The following THSD7A variants were observed in gnomAD, a reference collection of about 807,000 sequenced individuals.
THSD7A encodes thrombospondin type-1 domain-containing protein 7A.
In THSD7A, 96 loss-of-function variants were observed where a neutral mutation model predicts 231.3. The observed-to-expected ratio is 0.41, with a 90% CI of 0.35 to 0.49. The LOEUF is 0.49. Ranked by LOEUF, THSD7A falls within the 20% of genes least tolerant of loss-of-function variation. The pLI is 0.05. For missense variants in THSD7A, 2,290 were observed against 2,070.2 expected (o/e 1.11, Z -2.06); for synonymous variants, 940 against 743.3 (o/e 1.26, Z -4.30).
intron 1 of THSD7A, among the ~76,000 whole-genome samples, chr7:11,776,724 A>T (rs1023848475): frequency 6.6e-6 from 1 of 152,242 alleles, no homozygotes; most frequent in African/African-American, 2.4e-5. Flanking sequence ...CTGATAAAAC[A>T]TGGAAGTATT....
chr7:11,748,248 G>A (rs1294629122), intron 1 of THSD7A, among the ~76,000 whole-genome samples: 1 of 151,868 alleles, frequency 6.6e-6, no homozygotes, highest in Non-Finnish European at 1.5e-5. Context: ...TTACTGACAT[G>A]ATTAAATTTG....
intron 6 of THSD7A, among the ~76,000 whole-genome samples, chr7:11,484,913 C>T (rs1367073621): frequency 8.6e-5 from 3 of 34,822 alleles, no homozygotes; most frequent in East Asian, 1.1e-3. Context: ...TTTGTGGAGA[C>T]GGAGTCTCAC....
intron 2 of THSD7A, among the ~76,000 whole-genome samples, chr7:11,596,031 A>G (rs1226012481): frequency 6.6e-6 from 1 of 152,226 alleles, no homozygotes; most frequent in Admixed American, 6.5e-5. Flanking sequence ...CAAATGGACA[A>G]AAGACATTTG....
At chr7:11,514,285 G>A (rs1318219693) in intron 6 of THSD7A, among the ~76,000 whole-genome samples, 1 of 152,100 alleles carries the variant, frequency 6.6e-6, no homozygotes, top group East Asian at 1.9e-4. Flanking sequence ...CTTCTACAAT[G>A]TAAGGTCCAT....
Position 11,683,545 on chromosome 7 carries a change from C to T in THSD7A, c.191-46584G>A, listed in dbSNP as rs111701592. Reference sequence around the variant, plus strand: ...ATCAGAAATGACAAAAATGACATTACAACCAATCCCAAAGAAACAAAAAAG... The same window carrying T: ...ATCAGAAATGACAAAAATGACATTATAACCAATCCCAAAGAAACAAAAAAG... On this transcript the variant is annotated intron_variant, in intron 1 of 27. Transcript: ENST00000423059. 8.7e-3 allele frequency among the ~76,000 whole-genome samples: 1,323 copies of T among 151,922 alleles called. 12 individuals carry two copies. The highest frequency in any genetic ancestry group is 0.011 in the Non-Finnish European group (750 of 67,896).
At chr7:11,519,704 A>T (rs1239351070) in intron 6 of THSD7A, among the ~76,000 whole-genome samples, 2 of 152,164 alleles carry the variant, frequency 1.3e-5, no homozygotes, top group African/African-American at 4.8e-5. Flanking sequence ...ATATCGTTCA[A>T]ACATTCGATT....
At chr7:11,577,660 T>C (rs1212065504) in intron 4 of THSD7A, among the ~76,000 whole-genome samples, 1 of 151,044 alleles carries the variant, frequency 6.6e-6, no homozygotes, top group African/African-American at 2.4e-5. Flanking sequence ...ATAATTATTA[T>C]TTTAACAACA....
intron 1 of THSD7A, among the ~76,000 whole-genome samples, chr7:11,769,755 T>C (rs1159806707): frequency 1.3e-5 from 2 of 152,166 alleles, no homozygotes; most frequent in Admixed American, 1.3e-4. Flanking sequence ...ACGTTTGCAT[T>C]TTCAGTTTTA....
chr7:11,544,697 G>T (rs912980255), intron 4 of THSD7A, among the ~76,000 whole-genome samples: 10 of 152,142 alleles, frequency 6.6e-5, no homozygotes, highest in African/African-American at 2.2e-4. Flanking sequence ...TAAAGCCTAT[G>T]ACATTGATTC....
At chr7:11,772,837 C>A (rs1783277785) in intron 1 of THSD7A, among the ~76,000 whole-genome samples, 1 of 152,098 alleles carries the variant, frequency 6.6e-6, no homozygotes, top group African/African-American at 2.4e-5. Context: ...TGTACCAAAC[C>A]TGTACATGCA....
At chr7:11,786,776 A>G (rs1008275149) in intron 1 of THSD7A, among the ~76,000 whole-genome samples, 14 of 149,122 alleles carry the variant, frequency 9.4e-5, no homozygotes, top group East Asian at 2.0e-4. Flanking sequence ...AAAAAAAAAA[A>G]AAAAGAAAAA....
At chr7:11,435,583 T>G (rs1409044047) in intron 13 of THSD7A, among the ~76,000 whole-genome samples, 1 of 152,080 alleles carries the variant, frequency 6.6e-6, no homozygotes, top group Non-Finnish European at 1.5e-5. Context: ...TGTTTGGAAA[T>G]GCACATCAGT....
intron 1 of THSD7A, among the ~76,000 whole-genome samples, chr7:11,718,952 AG>A (rs1459108333): frequency 3.3e-5 from 5 of 151,636 alleles, no homozygotes; most frequent in African/African-American, 1.2e-4. Context: ...AATAAAAAAA[AG>A]CATCAGACAG....
At chr7:11,489,376 TC>T (rs2128307083) in intron 6 of THSD7A, among the ~76,000 whole-genome samples, 1 of 152,246 alleles carries the variant, frequency 6.6e-6, no homozygotes, top group East Asian at 1.9e-4. Flanking sequence ...ACCTCTTTTT[TC>T]TTAAAGGACT....
In THSD7A at chr7:11,831,013, C is replaced by T. The variant is rs185819067; in HGVS notation, c.190+744G>A. 1.4e-3 allele frequency among the ~76,000 whole-genome samples: 212 copies of T among 152,304 alleles called. 2 individuals carry two copies. Among genetic ancestry groups the T allele is most frequent in the Non-Finnish European group, 2.6e-3 (175 of 68,038 alleles). ...CAGAAAAGGGGTTGGTAATTCCTCA[C>T]TCCGTATTGTTTTCCTGCCTGTCAC... On this transcript the variant is annotated intron_variant, in intron 1 of 27. Coordinates refer to ENST00000423059, the MANE Select transcript of THSD7A (RefSeq NM_015204.3). The surrounding 1 kb of genome is among the most constrained non-coding windows in gnomAD (Gnocchi z 5.0).
intron 1 of THSD7A, among the ~76,000 whole-genome samples, chr7:11,727,798 G>T (rs138167624): frequency 6.6e-6 from 1 of 152,000 alleles, no homozygotes; most frequent in East Asian, 2.0e-4. Context: ...TTTCTCTGAG[G>T]ATACACCCAT....
chr7:11,550,370 T>C lies in THSD7A; in HGVS notation c.1454-7253A>G, dbSNP rs549042022. 5.9e-5 allele frequency among the ~76,000 whole-genome samples: 9 copies of C among 152,172 alleles called. No homozygotes were observed. The East Asian group carries it at 1.7e-3, about 29-fold the overall frequency. ...ATAAATGGAAAAACATTCTATGCTC[T>C]TGAATAGTGACATGGTTTTTTTCTG... On this transcript the variant is annotated intron_variant, in intron 4 of 27. Transcript: ENST00000423059.
intron 11 of THSD7A, among the ~76,000 whole-genome samples, chr7:11,455,516 C>A (rs113638024): frequency 6.6e-6 from 1 of 151,846 alleles, no homozygotes; most frequent in Non-Finnish European, 1.5e-5. Flanking sequence ...CAGCATTATG[C>A]CACTTTTCCT....
intron 1 of THSD7A, among the ~76,000 whole-genome samples, chr7:11,713,499 G>A (rs1781031768): frequency 6.6e-6 from 1 of 151,188 alleles, no homozygotes; most frequent in Non-Finnish European, 1.5e-5. Flanking sequence ...TGCCCTTTCA[G>A]CAGATTACTC....
Sources: allele counts gnomAD v4.1 joint callset (sites outside exome capture counted in the v4.1 genomes callset), GRCh38; gene constraint gnomAD v4.1.1; non-coding constraint Gnocchi (gnomAD v3.1); transcripts MANE v1.5; gene names NCBI Gene and HGNC (gene_info 2026-07-23, HGNC 2026-07-21).